NWD2: variants seen among roughly 807,000 people sequenced by gnomAD.
NWD2 encodes NACHT and WD repeat domain containing 2.
In NWD2, 37 loss-of-function variants were observed where a neutral mutation model predicts 132.7. The ratio of observed to expected loss-of-function variants is 0.28; its 90% CI spans 0.21 to 0.37. The LOEUF (loss-of-function observed/expected upper bound fraction) is 0.37. Among genes scored for constraint, NWD2 ranks in the 10% least tolerant of loss-of-function variants. The pLI, the probability that NWD2 is intolerant of heterozygous loss-of-function variation, is 1.00. For missense variants in NWD2, 1,592 were observed against 2,122.4 expected (o/e 0.75, Z 4.91); for synonymous variants, 705 against 803.0 (o/e 0.88, Z 2.06).
chr4:37,433,742 A>G (rs760229809), intron 4 of NWD2, 134 bp from the exon 5 acceptor site: 8 of 599,464 alleles, frequency 1.3e-5, no homozygotes, highest in Non-Finnish European at 1.9e-5. Context: ...AGATTAAATT[A>G]GACACTGTCT....
intron 1 of NWD2, among the ~76,000 whole-genome samples, chr4:37,245,935 A>G (rs575088557): frequency 1.3e-5 from 2 of 152,314 alleles, no homozygotes; most frequent in South Asian, 2.1e-4. Flanking sequence ...TTCTTGTTGC[A>G]TTCACAACCA....
chr4:37,311,031 CGTT>C (rs1718830586), intron 1 of NWD2, among the ~76,000 whole-genome samples: 1 of 151,864 alleles, frequency 6.6e-6, no homozygotes, highest in African/African-American at 2.4e-5. Context: ...TCCAGTCTAT[CGTT>C]GTTGGACATT....
chr4:37,372,422 G>A (rs1325779050), intron 3 of NWD2, among the ~76,000 whole-genome samples: 2 of 152,286 alleles, frequency 1.3e-5, no homozygotes, highest in East Asian at 3.9e-4. Context: ...ATAGTAAGGA[G>A]CGATGTAAGG....
Position 37,446,889 on chromosome 4 carries a change from G to A in NWD2, c.4901G>A (p.Gly1634Asp). 1 of 1,460,302 alleles carries A rather than the reference G, an allele frequency of 6.8e-7. No homozygotes were observed. Among genetic ancestry groups the A allele is most frequent in the Non-Finnish European group, 9.1e-7 (1 of 1,095,754 alleles). 90.5% of individuals were successfully genotyped at this position (1,460,302 alleles called of 1,614,324 possible). The change falls in exon 7 of 7, where the codon GGC becomes GAC. Residue 1634 changes from glycine (G) to aspartate (D), a missense_variant. Physicochemically the swap from Gly to Asp is moderately conservative, Grantham distance 94. Transcript: ENST00000309447. The surrounding 1 kb of genome is among the most constrained non-coding windows in gnomAD (Gnocchi z 6.7). ...LSQRHLNIIV[G>D]FDDGSIGIYT... ...CAGAGGCACCTGAACATCATTGTGGGCTTTGATGATGGGAGTATAGGGATC... is the reference window on the plus strand; with the variant it reads ...CAGAGGCACCTGAACATCATTGTGGACTTTGATGATGGGAGTATAGGGATC...
rs550157552 is a variant in NWD2 at position 37,247,325 on chromosome 4, G to A, written c.151+2107G>A. Among the ~76,000 whole-genome samples, 9 of 152,328 alleles carry A rather than the reference G, an allele frequency of 5.9e-5. No individual in the cohort carries two copies. In the South Asian group the frequency reaches 1.7e-3, roughly 28 times the overall value. ...TATGGATGCAATTTAGAAAGCAAAT[G>A]CCTGTGTTTTGGTATGATCCAATAT... On this transcript the variant is annotated intron_variant, in intron 1 of 6. Transcript: ENST00000309447.
chr4:37,344,139 C>A (rs1380875189), intron 2 of NWD2, among the ~76,000 whole-genome samples: 1 of 152,152 alleles, frequency 6.6e-6, no homozygotes, highest in Non-Finnish European at 1.5e-5. Flanking sequence ...AGTGCCTGGA[C>A]ATTAGGCTAA....
At chr4:37,422,291 A>T (rs575087412) in intron 3 of NWD2, among the ~76,000 whole-genome samples, 2 of 152,314 alleles carry the variant, frequency 1.3e-5, no homozygotes, top group African/African-American at 4.8e-5. Context: ...CCCTTAAAGT[A>T]CTGCCTGTTC....
chr4:37,259,580 G>GTTGCTGCC (rs1717588428), intron 1 of NWD2, among the ~76,000 whole-genome samples: 2 of 152,274 alleles, frequency 1.3e-5, no homozygotes, highest in East Asian at 3.9e-4. Flanking sequence ...CCCTGTCCCT[G>GTTGCTGCC]TTGCTGCCAG....
At chr4:37,312,634 C>G (rs1718871044) in intron 1 of NWD2, among the ~76,000 whole-genome samples, 1 of 150,724 alleles carries the variant, frequency 6.6e-6, no homozygotes, top group African/African-American at 2.5e-5. Flanking sequence ...CTTCTTCTGC[C>G]TAATTGCCCT....
chr4:37,357,473 T>C lies in NWD2; in HGVS notation c.357+991T>C, dbSNP rs1719894313. Among the ~76,000 whole-genome samples the C allele has an allele frequency of 3.3e-5, 5 of 152,192 alleles. No individual in the cohort carries two copies. The South Asian group carries it at 1.0e-3, about 32-fold the overall frequency. On this transcript the variant is annotated intron_variant, in intron 3 of 6. Transcript: ENST00000309447. ...TAAAGTGTATAAAGGCTGTATCATA[T>C]AGTATTTGTAGTATTCCATATATAG...
intron 2 of NWD2, among the ~76,000 whole-genome samples, chr4:37,350,690 G>C (rs565738795): frequency 6.6e-6 from 1 of 152,096 alleles, no homozygotes; most frequent in South Asian, 2.1e-4. Context: ...TCTTTTGCCT[G>C]ATTGCCCTGG....
chr4:37,415,442 C>T (rs1711568155), intron 3 of NWD2, among the ~76,000 whole-genome samples: 1 of 152,112 alleles, frequency 6.6e-6, no homozygotes, highest in South Asian at 2.1e-4. Flanking sequence ...CGGTGGCTTA[C>T]GCCTGTAATC....
chr4:37,336,613 T>C (rs1210232247), intron 2 of NWD2, among the ~76,000 whole-genome samples: 3 of 152,124 alleles, frequency 2.0e-5, no homozygotes, highest in Non-Finnish European at 2.9e-5. Flanking sequence ...TAAAAATATA[T>C]ATAAAAATTA....
intron 4 of NWD2, among the ~76,000 whole-genome samples, chr4:37,432,284 G>A (rs1712200515): frequency 2.0e-5 from 3 of 150,746 alleles, no homozygotes; most frequent in Admixed American, 2.0e-4. Context: ...TGATCAGTTA[G>A]GTTTACCCCA....
rs551785315 is a variant in NWD2 at position 37,321,825 on chromosome 4, T to A, written c.152-4111T>A. The stretch of plus-strand genomic sequence containing the variant: ...TGGGAAAATCTAAGTCAATTTTTAA[T>A]ATAAATAAGAGCACAGAAAACCCAT... On this transcript the variant is annotated intron_variant, in intron 1 of 6. Transcript: ENST00000309447. 5.3e-5 allele frequency among the ~76,000 whole-genome samples: 8 copies of A among 152,328 alleles called. No homozygotes were observed. In the South Asian group the frequency reaches 1.0e-3, roughly 20 times the overall value.
intron 2 of NWD2, among the ~76,000 whole-genome samples, chr4:37,327,963 A>G (rs1719207421): frequency 6.6e-6 from 1 of 152,072 alleles, no homozygotes; most frequent in African/African-American, 2.4e-5. Context: ...ATTCTCTTCA[A>G]CTACAATGCT....
rs974275459 is a variant in NWD2, at chr4:37,380,589, T to C, written c.357+24107T>C. On this transcript the variant is annotated intron_variant, in intron 3 of 6. Coordinates refer to ENST00000309447, the MANE Select transcript of NWD2 (RefSeq NM_001144990.2). ...GTATGCCTTAAATAAATGCTAGCTATGGTTATTATTAGGAACTATATGCTA... is the reference window on the plus strand; with the variant it reads ...GTATGCCTTAAATAAATGCTAGCTACGGTTATTATTAGGAACTATATGCTA... Among the ~76,000 whole-genome samples the C allele has an allele frequency of 5.9e-5, 9 of 152,192 alleles. No homozygotes were observed. The East Asian group carries it at 1.7e-3, about 29-fold the overall frequency.
At chr4:37,413,313 T>C (rs1721200139) in intron 3 of NWD2, among the ~76,000 whole-genome samples, 1 of 152,256 alleles carries the variant, frequency 6.6e-6, no homozygotes, top group African/African-American at 2.4e-5. Context: ...TGGCAAAGGA[T>C]ATGAACAGAC....
intron 1 of NWD2, among the ~76,000 whole-genome samples, chr4:37,273,023 T>C (rs903244841): frequency 6.6e-6 from 1 of 151,838 alleles, no homozygotes; most frequent in Non-Finnish European, 1.5e-5. Flanking sequence ...TAGATTCAAG[T>C]TACTGTCATG....
Sources: gnomAD v4.1 joint callset for allele counts (sites outside exome capture counted in the v4.1 genomes callset) on GRCh38, gnomAD v4.1.1 for gene constraint, Gnocchi (gnomAD v3.1) non-coding constraint, MANE v1.5 for transcripts, NCBI Gene and HGNC (gene_info 2026-07-23, HGNC 2026-07-21) for gene names.